The following TRPC6 variants were observed in gnomAD, a reference collection of about 807,000 sequenced individuals.
TRPC6 encodes the protein short transient receptor potential channel 6.
In TRPC6, 55 loss-of-function variants were observed where a neutral mutation model predicts 90.7. The observed-to-expected ratio is 0.61, with a 90% CI of 0.49 to 0.76. The LOEUF (loss-of-function observed/expected upper bound fraction) is 0.76. Ranked by LOEUF, TRPC6 falls within the 30% of genes least tolerant of loss-of-function variation. The pLI, the probability that TRPC6 is intolerant of heterozygous loss-of-function variation, is 0.00. For synonymous variants in TRPC6, 393 were observed against 393.0 expected, an observed-to-expected ratio of 1.00 and a Z score of 0.00; for missense variants, 989 against 1,122.7, an observed-to-expected ratio of 0.88 and a Z score of 1.70.
chr11:101,567,276 C>T lies in TRPC6; in HGVS notation c.170+16058G>A, dbSNP rs984773534. 2.0e-5 allele frequency among the ~76,000 whole-genome samples: 3 copies of T among 152,236 alleles called. No individual in the cohort carries two copies. The East Asian group carries it at 5.8e-4, about 30-fold the overall frequency. ...GGAAGTTCCAAATGGGCGTAGCCCA[C>T]CACAGCTCAGCAAAGCCCCTCAGGC... On this transcript the variant is annotated intron_variant, in intron 1 of 12. Coordinates refer to ENST00000344327, the MANE Select transcript of TRPC6 (RefSeq NM_004621.6).
chr11:101,515,679 C>T (rs1018713439), intron 1 of TRPC6, among the ~76,000 whole-genome samples: 4 of 152,206 alleles, frequency 2.6e-5, no homozygotes, highest in Admixed American at 2.0e-4. Context: ...GTATTTTAAA[C>T]AAATTTTTAC....
At chr11:101,489,382 T>C (rs1275383796) in intron 3 of TRPC6, among the ~76,000 whole-genome samples, 2 of 67,390 alleles carry the variant, frequency 3.0e-5, no homozygotes, top group South Asian at 3.7e-4. Flanking sequence ...ATAAAAAGAT[T>C]AATCTAAATT....
intron 1 of TRPC6, among the ~76,000 whole-genome samples, chr11:101,568,729 A>G (rs1040773903): frequency 2.0e-5 from 3 of 152,180 alleles, no homozygotes; most frequent in African/African-American, 7.2e-5. Flanking sequence ...TAAACAAACA[A>G]TTTTCAAACC....
At position 101,559,411 on chromosome 11, in the gene TRPC6, C is replaced by T. The variant is rs189224439; in HGVS notation, c.170+23923G>A. Among the ~76,000 whole-genome samples the T allele has an allele frequency of 3.9e-3, 590 of 152,196 alleles. 1 individual carries two copies. The highest frequency in any genetic ancestry group is 0.014 in the African/African-American group (561 of 41,522). ...TTTTAAAAAGTTTGAGAAGCACTAG[C>T]CCAGCAATTCCCTAGGGAGTGATTT... On this transcript the variant is annotated intron_variant, in intron 1 of 12. Coordinates refer to ENST00000344327, the MANE Select transcript of TRPC6 (RefSeq NM_004621.6).
Position 101,473,565 on chromosome 11 carries a change from T to G in TRPC6, c.1953A>C (p.Gly651=), listed in dbSNP as rs1257933340. ...TGTAGTAGGAGTAGAGATTGAACAT[T>G]CCAATCATAAAGGCCACAAACACCA... The part of the protein sequence containing the change: ...FIMVFVAFMI[G]MFNLYSYYIG... Residue 651 remains glycine (G), a synonymous_variant, in exon 7 of 13, where the codon GGA becomes GGC. Transcript: ENST00000344327. 1.4e-5 allele frequency: 22 copies of G among 1,613,552 alleles called. No homozygotes were observed. Among genetic ancestry groups the G allele is most frequent in the Non-Finnish European group, 1.8e-5 (21 of 1,179,776 alleles).
chr11:101,503,307 A>G (rs1361775237), intron 2 of TRPC6, among the ~76,000 whole-genome samples: 1 of 152,092 alleles, frequency 6.6e-6, no homozygotes, highest in Non-Finnish European at 1.5e-5. Context: ...CTACTATTTC[A>G]TATCTATCAT....
chr11:101,473,599 A>G lies in TRPC6; in HGVS notation c.1919T>C (p.Ile640Thr). The change falls in exon 7 of 13, where the codon ATA (isoleucine) becomes ACA (threonine). Residue 640 changes from isoleucine to threonine, a missense_variant. Coordinates refer to ENST00000344327, the MANE Select transcript of TRPC6 (RefSeq NM_004621.6). ...TVKDIFKFMVIFIMVFVAFMI... is the reference protein window; with the variant it reads ...TVKDIFKFMVTFIMVFVAFMI... ...AAAGGCCACAAACACCATAATGAAT[A>G]TGACCATGAACTTGAAGATGTCTTT... The G allele has an allele frequency of 6.2e-7, 1 of 1,613,802 alleles. No homozygotes were observed. The highest frequency in any genetic ancestry group is 8.5e-7 in the Non-Finnish European group (1 of 1,179,790).
chr11:101,462,887 G>A (rs986664080), intron 10 of TRPC6, among the ~76,000 whole-genome samples: 5 of 152,156 alleles, frequency 3.3e-5, no homozygotes, highest in Admixed American at 6.5e-5. Flanking sequence ...CTCTTGTGCC[G>A]ATTTTCAAAG....
chr11:101,552,958 T>C (rs548220834), intron 1 of TRPC6, among the ~76,000 whole-genome samples: 2 of 152,256 alleles, frequency 1.3e-5, no homozygotes, highest in Non-Finnish European at 2.9e-5. Context: ...AAATGTTTAT[T>C]CTTTTATCAG....
At chr11:101,455,896 G>T (rs1858870986) in intron 10 of TRPC6, among the ~76,000 whole-genome samples, 1 of 152,004 alleles carries the variant, frequency 6.6e-6, no homozygotes, top group Admixed American at 6.6e-5. Flanking sequence ...GCTGTGCTAG[G>T]CTCTGTGTAT....
chr11:101,556,918 A>T (rs1193744411), intron 1 of TRPC6, among the ~76,000 whole-genome samples: 3 of 152,224 alleles, frequency 2.0e-5, no homozygotes, highest in African/African-American at 7.2e-5. Context: ...CAAATTAATA[A>T]ATGTGATCCA....
At chr11:101,504,836 A>G (rs528941830) in intron 1 of TRPC6, 38 bp from the exon 2 acceptor site, 3 of 1,607,028 alleles carry the variant, frequency 1.9e-6, no homozygotes, top group Admixed American at 3.4e-5. Context: ...AAATCACATT[A>G]AGAGCATTTT....
At chr11:101,541,321 T>C (rs777807495) in intron 1 of TRPC6, among the ~76,000 whole-genome samples, 2 of 152,206 alleles carry the variant, frequency 1.3e-5, no homozygotes, top group Non-Finnish European at 2.9e-5. Context: ...AGAAGAGTTA[T>C]GATGCTTTAA....
intron 1 of TRPC6, among the ~76,000 whole-genome samples, chr11:101,571,277 C>T (rs570066843): frequency 7.2e-5 from 11 of 152,144 alleles, no homozygotes. Context: ...ACAATTGCTA[C>T]AAAAAGAATA....
In TRPC6 at chr11:101,563,544, CT is replaced by C. The variant is rs551771148; in HGVS notation, c.170+19789del. On this transcript the variant is annotated intron_variant, in intron 1 of 12. Coordinates refer to ENST00000344327, the MANE Select transcript of TRPC6 (RefSeq NM_004621.6). ...ATTGTCTGTAGGCTGTGTAGGTAAT[CT>C]TTTTTTTTATTAATTTCTTGTTCCT... 3.9e-3 allele frequency among the ~76,000 whole-genome samples: 590 copies of C among 151,578 alleles called. 6 individuals carry two copies. Among genetic ancestry groups the C allele is most frequent in the African/African-American group, 0.014 (561 of 41,352 alleles).
In TRPC6 at chr11:101,583,455, C is replaced by T. The variant is rs1862250329; in HGVS notation, c.49G>A (p.Gly17Ser). The part of the protein sequence containing the change: ...FGPRRGSSPR[G>S]AAGAAARRNE... ...CGCCGCGCAGCGGCTCCGGCAGCGC[C>T]CCGGGGAGAACTGCCCCTCCGGGGC... Residue 17 changes from glycine (G) to serine (S), a missense_variant, in exon 1 of 13, where the codon GGC (glycine) becomes AGC (serine). Physicochemically the swap from Gly to Ser is moderately conservative, Grantham distance 56. This residue lies in a region of TRPC6 where 194 missense variants were observed against 136.5 expected (regional missense o/e 1.42). Coordinates refer to ENST00000344327, the MANE Select transcript of TRPC6 (RefSeq NM_004621.6). The T allele has an allele frequency of 1.3e-6, 2 of 1,535,802 alleles. No homozygotes were observed. Among genetic ancestry groups the T allele is most frequent in the Non-Finnish European group, 8.8e-7 (1 of 1,139,972 alleles).
chr11:101,540,144 G>A (rs1441878717), intron 1 of TRPC6, among the ~76,000 whole-genome samples: 1 of 152,176 alleles, frequency 6.6e-6, no homozygotes, highest in Non-Finnish European at 1.5e-5. Flanking sequence ...TGTTCTCTAG[G>A]AAATGCTGAG....
chr11:101,555,767 T>C (rs1284767974), intron 1 of TRPC6, among the ~76,000 whole-genome samples: 2 of 152,018 alleles, frequency 1.3e-5, no homozygotes, highest in Non-Finnish European at 2.9e-5. Context: ...GAACAGAAAA[T>C]GTGGAGAATT....
In TRPC6 at chr11:101,504,093, A is replaced by G. The variant is rs1470835465; in HGVS notation, c.876T>C (p.Asp292=). 1.2e-6 allele frequency: 2 copies of G among 1,613,946 alleles called. No individual in the cohort carries two copies. Among genetic ancestry groups the G allele is most frequent in the Middle Eastern group, 1.6e-4 (1 of 6,084 alleles). The stretch of plus-strand genomic sequence containing the variant: ...TAAGTTCTAAAGCCGTCATGACTGG[A>G]TCTTCACTAGACAATGACAGGTAAG... ...SPAYLSLSSE[D]PVMTALELSN... The change falls in exon 2 of 13, where the codon GAT becomes GAC. Residue 292 remains aspartate (D), a synonymous_variant. Transcript: ENST00000344327.
Sources: gnomAD v4.1 joint callset for allele counts (sites outside exome capture counted in the v4.1 genomes callset) on GRCh38, gnomAD v4.1.1 for gene constraint, gnomAD v4.1.1 regional missense constraint, MANE v1.5 for transcripts, NCBI Gene and HGNC (gene_info 2026-07-23, HGNC 2026-07-21) for gene names.